CTNNA2: variants seen among roughly 807,000 people sequenced by gnomAD.
CTNNA2 encodes catenin alpha 2.
Under a neutral mutation model 101.0 loss-of-function variants are expected in CTNNA2, and 42 were observed. That is an observed-to-expected ratio of 0.42 (90% CI 0.32 to 0.54). CTNNA2 has a LOEUF of 0.54. Ranked by LOEUF, CTNNA2 falls within the 20% of genes least tolerant of loss-of-function variation. The pLI is 0.14. For synonymous variants in CTNNA2, 450 were observed against 456.4 expected, an observed-to-expected ratio of 0.99 and a Z score of 0.18; for missense variants, 871 against 1,223.1, an observed-to-expected ratio of 0.71 and a Z score of 4.29.
chr2:80,312,736 T>G (rs1677712041), intron 7 of CTNNA2, among the ~76,000 whole-genome samples: 1 of 152,238 alleles, frequency 6.6e-6, no homozygotes, highest in Admixed American at 6.5e-5. Flanking sequence ...TTATCTTGTT[T>G]TATAGAATTT....
At chr2:79,730,832 A>G (rs962293197) in intron 2 of CTNNA2, among the ~76,000 whole-genome samples, 3 of 152,008 alleles carry the variant, frequency 2.0e-5, no homozygotes, top group African/African-American at 7.2e-5. Flanking sequence ...CTACAGAGAG[A>G]GAGACAAAGG....
At chr2:79,605,729 C>G (rs1411162999) in intron 1 of CTNNA2, among the ~76,000 whole-genome samples, 1 of 151,952 alleles carries the variant, frequency 6.6e-6, no homozygotes, top group Non-Finnish European at 1.5e-5. Flanking sequence ...CATTGTAAGA[C>G]ACCATCTCTA....
chr2:80,131,617 G>A (rs1015014244), intron 7 of CTNNA2, among the ~76,000 whole-genome samples: 1 of 152,120 alleles, frequency 6.6e-6, no homozygotes, highest in Non-Finnish European at 1.5e-5. Flanking sequence ...ATCAGGTAGG[G>A]GGTAGAATCT....
intron 2 of CTNNA2, among the ~76,000 whole-genome samples, chr2:79,274,057 T>C (rs1002443245): frequency 1.1e-4 from 16 of 152,116 alleles, no homozygotes; most frequent in African/African-American, 3.6e-4. Context: ...TCTATGTTTC[T>C]GGAAATTGCT....
intron 18 of CTNNA2, among the ~76,000 whole-genome samples, chr2:80,620,085 G>A (rs1670951213): frequency 6.6e-6 from 1 of 151,826 alleles, no homozygotes; most frequent in Non-Finnish European, 1.5e-5. Context: ...GGTAAAGGGA[G>A]TTCATGGAGG....
At position 79,958,404 on chromosome 2, in the gene CTNNA2, G is replaced by A. The variant is rs1038623971; in HGVS notation, c.1056+48607G>A. ...ATGGAGAGACTGTCCTGGATTGTTC[G>A]AGTGGCCCCTAGGTAATCACAAAGG... is the stretch of plus-strand genomic sequence containing the variant. On this transcript the variant is annotated intron_variant, in intron 7 of 18. Coordinates refer to ENST00000402739, the MANE Select transcript of CTNNA2 (RefSeq NM_001282597.3). Among the ~76,000 whole-genome samples the A allele has an allele frequency of 7.9e-5, 12 of 152,222 alleles. No homozygotes were observed. In the East Asian group the frequency reaches 1.2e-3, roughly 15 times the overall value.
intron 3 of CTNNA2, among the ~76,000 whole-genome samples, chr2:79,764,927 A>T (rs1673036290): frequency 6.6e-6 from 1 of 152,204 alleles, no homozygotes; most frequent in South Asian, 2.1e-4. Context: ...ACTTGAGCTG[A>T]CAACCGGGTA....
rs1553390858 is a variant in CTNNA2, at chr2:79,280,685, A to AGAGAGAGAGAGAGAGAGAGAGAG, written c.-405-32024_-405-32023insGAGAGAGAGAGAGAGAGAGAGAG. ...AGAAAGAGAGAGAGAGAGAGAGAGA[A>AGAGAGAGAGAGAGAGAGAGAGAG]AGAGAGAGAGAGAGAGACCTATAGC... On this transcript the variant is annotated intron_variant, in intron 2 of 21. Coordinates refer to the CTNNA2 transcript ENST00000466387. Among the ~76,000 whole-genome samples, 40 of 88,522 alleles carry AGAGAGAGAGAGAGAGAGAGAGAG rather than the reference A, an allele frequency of 4.5e-4. 3 individuals carry two copies. The highest frequency in any genetic ancestry group is 6.0e-4 in the Admixed American group (6 of 9,992). The allele number at this position is 88,522 out of a possible 152,430, so 58.1% of individuals were successfully genotyped here. A position where few individuals can be genotyped will look rare whatever the true frequency, so the allele number is the denominator to read the frequency against.
At chr2:79,615,914 G>A (rs192137950) in intron 1 of CTNNA2, among the ~76,000 whole-genome samples, 13 of 152,224 alleles carry the variant, frequency 8.5e-5, no homozygotes, top group South Asian at 2.1e-4. Flanking sequence ...ATTCTGTGGC[G>A]CCCAAACTAA....
intron 9 of CTNNA2, among the ~76,000 whole-genome samples, chr2:80,459,016 A>G (rs567868471): frequency 2.0e-4 from 30 of 152,314 alleles, no homozygotes; most frequent in African/African-American, 7.2e-4. Context: ...ATACGCTTAG[A>G]TACACAAATA....
chr2:80,323,846 C>T (rs1486934340), intron 7 of CTNNA2, among the ~76,000 whole-genome samples: 1 of 152,090 alleles, frequency 6.6e-6, no homozygotes, highest in Non-Finnish European at 1.5e-5. Context: ...GATATTCCAC[C>T]CTAACTCTTT....
intron 1 of CTNNA2, among the ~76,000 whole-genome samples, chr2:79,518,595 C>T (rs1266992532): frequency 6.6e-6 from 1 of 152,114 alleles, no homozygotes; most frequent in African/African-American, 2.4e-5. Context: ...ACCACAAGGA[C>T]TCCAGAAATC....
chr2:79,394,797 T>G (rs1169923071), intron 4 of CTNNA2, among the ~76,000 whole-genome samples: 1 of 148,496 alleles, frequency 6.7e-6, no homozygotes, highest in African/African-American at 2.5e-5. Context: ...ATTTTTTTTG[T>G]ATGCTAAATG....
chr2:79,982,102 G>C (rs1691318244), intron 7 of CTNNA2, among the ~76,000 whole-genome samples: 1 of 148,018 alleles, frequency 6.8e-6, no homozygotes, highest in Admixed American at 6.8e-5. Flanking sequence ...GCAGTGGCAT[G>C]ATCACAGTTC....
intron 1 of CTNNA2, among the ~76,000 whole-genome samples, chr2:79,592,121 G>T (rs13014749): frequency 5.9e-4 from 17 of 28,992 alleles, no homozygotes; most frequent in African/African-American, 1.7e-3. Flanking sequence ...ACTTCTTTTT[G>T]CTTTTTTTTT....
intron 4 of CTNNA2, among the ~76,000 whole-genome samples, chr2:79,492,934 T>C (rs536290923): frequency 2.6e-5 from 4 of 152,296 alleles, no homozygotes; most frequent in Admixed American, 6.5e-5. Context: ...TAACCCACCA[T>C]ATCAATAGTT....
At chr2:80,059,574 G>A (rs1287234072) in intron 7 of CTNNA2, among the ~76,000 whole-genome samples, 1 of 152,200 alleles carries the variant, frequency 6.6e-6, no homozygotes, top group Non-Finnish European at 1.5e-5. Context: ...TTAGGATAGT[G>A]GGTCCAGATC....
At chr2:79,253,372 A>C (rs1213963013) in intron 2 of CTNNA2, among the ~76,000 whole-genome samples, 1 of 152,242 alleles carries the variant, frequency 6.6e-6, no homozygotes, top group East Asian at 1.9e-4. Context: ...ACTAATTAGC[A>C]TGGACAAACA....
chr2:79,307,093 C>G (rs1170517686), intron 2 of CTNNA2, among the ~76,000 whole-genome samples: 1 of 145,588 alleles, frequency 6.9e-6, no homozygotes, highest in Non-Finnish European at 1.5e-5. Context: ...GGTTTTCTAA[C>G]ATTTATTTTA....
Sources: gnomAD v4.1 joint callset for allele counts (sites outside exome capture counted in the v4.1 genomes callset) on GRCh38, gnomAD v4.1.1 for gene constraint, MANE v1.5 for transcripts, NCBI Gene and HGNC (gene_info 2026-07-23, HGNC 2026-07-21) for gene names.